The following NRXN1 variants were observed in gnomAD, a reference collection of about 807,000 sequenced individuals.
NRXN1 encodes the protein neurexin 1.
In NRXN1, 39 loss-of-function variants were observed where a neutral mutation model predicts 150.9. That is an observed-to-expected ratio of 0.26 (90% CI 0.20 to 0.34). The LOEUF (loss-of-function observed/expected upper bound fraction) is 0.34, where lower values mean the gene tolerates loss of function less well. NRXN1 is among the 10% of genes least tolerant of loss of function. NRXN1 has a pLI of 1.00. For synonymous variants in NRXN1, 924 were observed against 757.0 expected (o/e 1.22, Z -3.62); for missense variants, 1,815 against 1,949.9 (o/e 0.93, Z 1.30).
intron 8 of NRXN1, chr2:50,616,625 C>T (rs940973188): frequency 6.6e-6 from 1 of 152,042 alleles, no homozygotes; most frequent in Non-Finnish European, 1.5e-5. Flanking sequence ...GTATTCTAAT[C>T]CTGCTGGACC....
chr2:50,462,847 T>G (rs1310092755), intron 17 of NRXN1, among the ~76,000 whole-genome samples: 3 of 151,832 alleles, frequency 2.0e-5, no homozygotes, highest in Admixed American at 2.0e-4. Context: ...TATAAATACA[T>G]TTTTTCTAGT....
rs143446587 is a variant in NRXN1 at position 49,943,753 on chromosome 2, G to C, written c.4167C>G (p.Pro1389=). The change falls in exon 22 of 23, where the codon CCC becomes CCG. Residue 1389 remains proline (P), a synonymous_variant. Coordinates refer to ENST00000401669, the MANE Select transcript of NRXN1 (RefSeq NM_001330078.2). ...DDILVASAEC[P]SDDEDIDPCE... ...AGGGGTCAATGTCCTCATCATCGCT[G>C]GGACACTCTGCTGAGGCCACAAGGA... The C allele has an allele frequency of 9.2e-5, 148 of 1,612,234 alleles. No individual in the cohort carries two copies. In the African/African-American group the frequency reaches 1.6e-3, roughly 18 times the overall value.
intron 17 of NRXN1, among the ~76,000 whole-genome samples, chr2:50,415,233 T>G (rs2083453806): frequency 6.6e-6 from 1 of 152,186 alleles, no homozygotes; most frequent in Admixed American, 6.5e-5. Flanking sequence ...TCACATTAAA[T>G]ACATTAAATT....
At chr2:50,706,005 C>T in intron 5 of NRXN1, among the ~76,000 whole-genome samples, 1 of 152,152 alleles carries the variant, frequency 6.6e-6, no homozygotes, top group South Asian at 2.1e-4. Flanking sequence ...TAAAGTTACT[C>T]AGCAGTAGAC....
intron 17 of NRXN1, among the ~76,000 whole-genome samples, chr2:50,299,755 C>A (rs2073983435): frequency 6.6e-6 from 1 of 152,190 alleles, no homozygotes; most frequent in South Asian, 2.1e-4. Context: ...ACTAAACCCG[C>A]TGATCTTGGT....
chr2:50,758,339 A>G (rs1701397456), intron 5 of NRXN1, among the ~76,000 whole-genome samples: 1 of 151,812 alleles, frequency 6.6e-6, no homozygotes, highest in Non-Finnish European at 1.5e-5. Context: ...AAGATTAATG[A>G]TTTGAAAGCC....
chr2:50,307,260 G>A (rs1457611415), intron 17 of NRXN1, among the ~76,000 whole-genome samples: 3 of 152,164 alleles, frequency 2.0e-5, no homozygotes, highest in Non-Finnish European at 4.4e-5. Context: ...GGGATCACAG[G>A]TGTGAGCCAC....
chr2:50,967,090 G>A lies in NRXN1; in HGVS notation c.773-41135C>T, dbSNP rs188002508. Among the ~76,000 whole-genome samples the A allele has an allele frequency of 1.6e-4, 24 of 151,894 alleles. No homozygotes were observed. In the East Asian group the frequency reaches 2.7e-3, roughly 17 times the overall value. On this transcript the variant is annotated intron_variant, in intron 2 of 22. Coordinates refer to ENST00000401669, the MANE Select transcript of NRXN1 (RefSeq NM_001330078.2). ...AATAAAAGTTGTTTTAAGTAAACAC[G>A]TTTCTTTCCATGTCTATTTTTTAAA...
intron 5 of NRXN1, among the ~76,000 whole-genome samples, chr2:50,777,624 C>A (rs938456237): frequency 6.6e-6 from 1 of 152,034 alleles, no homozygotes; most frequent in Non-Finnish European, 1.5e-5. Context: ...TTAAGTAATA[C>A]CAGGAGAGTA....
At chr2:50,610,830 T>G (rs1026385998) in intron 8 of NRXN1, among the ~76,000 whole-genome samples, 4 of 149,072 alleles carry the variant, frequency 2.7e-5, no homozygotes, top group Admixed American at 6.8e-5. Context: ...TCTCGCTTTG[T>G]CATCCACGCT....
intron 22 of NRXN1, among the ~76,000 whole-genome samples, chr2:49,925,119 G>C (rs961880769): frequency 6.6e-6 from 1 of 151,684 alleles, no homozygotes; most frequent in African/African-American, 2.4e-5. Context: ...GTGAAACCCT[G>C]AAATACAAAA....
At chr2:50,260,067 T>C (rs2068095256) in intron 17 of NRXN1, among the ~76,000 whole-genome samples, 1 of 151,790 alleles carries the variant, frequency 6.6e-6, no homozygotes, top group African/African-American at 2.4e-5. Context: ...CTCTATCAAC[T>C]CTGTTGACCC....
intron 17 of NRXN1, among the ~76,000 whole-genome samples, chr2:50,252,258 C>CTTTTTTTTTTTTTTTTTTTTTT (rs143522284): frequency 1.1e-4 from 8 of 69,708 alleles, no homozygotes; most frequent in South Asian, 5.9e-4. Flanking sequence ...TTTTTCTTTT[C>CTTTTTTTTTTTTTTTTTTTTTT]TTTTTTTTTT....
chr2:50,237,858 C>T (rs1467332336), intron 17 of NRXN1, among the ~76,000 whole-genome samples: 1 of 151,970 alleles, frequency 6.6e-6, no homozygotes, highest in South Asian at 2.1e-4. Flanking sequence ...AGGGCAGGGC[C>T]TGGTGGAAGG....
intron 5 of NRXN1, among the ~76,000 whole-genome samples, chr2:50,764,687 G>C (rs948836579): frequency 6.6e-6 from 1 of 151,872 alleles, no homozygotes. Context: ...CACGTGCACA[G>C]ACAGAGAGAT....
intron 2 of NRXN1, among the ~76,000 whole-genome samples, chr2:51,026,741 T>C (rs1027839587): frequency 6.6e-6 from 1 of 152,224 alleles, no homozygotes; most frequent in African/African-American, 2.4e-5. Context: ...ATTTAATCTC[T>C]AACATTTTTA....
At chr2:49,996,126 T>C (rs76987443) in intron 21 of NRXN1, among the ~76,000 whole-genome samples, 6,018 of 152,180 alleles carry the variant, frequency 0.04, 169 homozygotes, top group Admixed American at 0.069. Context: ...ACACATACTT[T>C]CTCCTACCTT....
At chr2:50,289,294 G>A (rs1234641286) in intron 17 of NRXN1, among the ~76,000 whole-genome samples, 1 of 152,138 alleles carries the variant, frequency 6.6e-6, no homozygotes, top group Non-Finnish European at 1.5e-5. Context: ...GACTAAAAGA[G>A]GTAGCTGTTA....
chr2:50,869,301 T>C (rs1284006183), intron 5 of NRXN1, among the ~76,000 whole-genome samples: 1 of 151,734 alleles, frequency 6.6e-6, no homozygotes, highest in African/African-American at 2.4e-5. Context: ...ATTTATGTAA[T>C]AAAATAATGA....
Sources: gnomAD v4.1 joint callset for allele counts (sites outside exome capture counted in the v4.1 genomes callset) on GRCh38, gnomAD v4.1.1 for gene constraint, MANE v1.5 for transcripts, NCBI Gene and HGNC (gene_info 2026-07-23, HGNC 2026-07-21) for gene names.